Variants in ARHGAP15 observed in about 807,000 individuals in gnomAD.
The protein encoded by ARHGAP15 is rho GTPase-activating protein 15.
Under a neutral mutation model 63.7 loss-of-function variants are expected in ARHGAP15, and 51 were observed. That is an observed-to-expected ratio of 0.80 (90% CI 0.64 to 1.01). ARHGAP15 has a LOEUF of 1.01. ARHGAP15 is among the 50% of genes least tolerant of loss of function. The probability of loss-of-function intolerance (pLI) is 0.00; values close to 1 mark genes in which losing one functional copy is unlikely to be tolerated. For missense variants in ARHGAP15, 560 were observed against 564.6 expected (o/e 0.99, Z 0.08); for synonymous variants, 191 against 193.8 (o/e 0.99, Z 0.12).
chr2:143,534,846 A>C (rs1694681305), intron 10 of ARHGAP15, among the ~76,000 whole-genome samples: 1 of 151,892 alleles, frequency 6.6e-6, no homozygotes, highest in African/African-American at 2.4e-5. Context: ...ATACCACTGC[A>C]CTCTAGCCTG....
intron 6 of ARHGAP15, among the ~76,000 whole-genome samples, chr2:143,286,491 G>A (rs755571761): frequency 2.6e-4 from 39 of 152,114 alleles, no homozygotes; most frequent in Non-Finnish European, 4.6e-4. Flanking sequence ...AGCATAACTC[G>A]AATATGAAAT....
rs766871909 is a variant in ARHGAP15, at chr2:143,250,579, G to A, written c.453G>A (p.Ser151=). Residue 151 remains serine, a synonymous_variant, in exon 6 of 14, where the codon TCG becomes TCA. Coordinates refer to ENST00000295095, the MANE Select transcript of ARHGAP15 (RefSeq NM_018460.4). ...ACATTGAATGGGCCAAGGAAAAATC[G>A]AGCAGAAAGAATGTCTTTCAGGTAA... ...GAHIEWAKEK[S]SRKNVFQITT... is the part of the protein sequence containing the mutation. 1.5e-5 allele frequency: 25 copies of A among 1,612,946 alleles called. No homozygotes were observed. Among genetic ancestry groups the A allele is most frequent in the Admixed American group, 5.0e-5 (3 of 59,962 alleles).
intron 12 of ARHGAP15, among the ~76,000 whole-genome samples, chr2:143,696,364 A>G (rs1574853354): frequency 6.7e-6 from 1 of 149,646 alleles, no homozygotes; most frequent in East Asian, 1.9e-4. Context: ...TTTATATATA[A>G]GATAGATATA....
At chr2:143,674,453 T>C (rs1244015831) in intron 12 of ARHGAP15, among the ~76,000 whole-genome samples, 1 of 152,096 alleles carries the variant, frequency 6.6e-6, no homozygotes. Context: ...ATCAGAACAA[T>C]AGTTGCATAT....
chr2:143,293,719 G>T (rs1030185841), intron 6 of ARHGAP15, among the ~76,000 whole-genome samples: 5 of 151,952 alleles, frequency 3.3e-5, no homozygotes, highest in African/African-American at 9.7e-5. Flanking sequence ...GTTCTGGGAG[G>T]AAGGAAACGG....
intron 6 of ARHGAP15, among the ~76,000 whole-genome samples, chr2:143,263,505 T>C (rs1176794627): frequency 6.6e-6 from 1 of 152,054 alleles, no homozygotes; most frequent in Non-Finnish European, 1.5e-5. Flanking sequence ...TGATGTTGAG[T>C]GTGTGCAGCA....
intron 6 of ARHGAP15, among the ~76,000 whole-genome samples, chr2:143,285,957 T>G (rs1351811046): frequency 6.6e-6 from 1 of 152,190 alleles, no homozygotes; most frequent in African/African-American, 2.4e-5. Context: ...AATGTTGACT[T>G]TAGCAAAAAC....
chr2:143,448,280 T>C (rs1416417940), intron 8 of ARHGAP15, among the ~76,000 whole-genome samples: 1 of 152,126 alleles, frequency 6.6e-6, no homozygotes, highest in Non-Finnish European at 1.5e-5. Context: ...CACGGAATGC[T>C]AAAAAATTAG....
intron 6 of ARHGAP15, among the ~76,000 whole-genome samples, chr2:143,402,469 G>C (rs1431902417): frequency 1.3e-5 from 2 of 149,074 alleles, no homozygotes; most frequent in African/African-American, 4.9e-5. Context: ...ATTAGTGACA[G>C]AGAAAACAAA....
intron 9 of ARHGAP15, among the ~76,000 whole-genome samples, chr2:143,510,018 T>TAAAAAAAAAAAAAAAAAAAAAA (rs35469918): frequency 4.1e-5 from 2 of 48,826 alleles, no homozygotes; most frequent in South Asian, 1.5e-3. Context: ...GACTCCCTCT[T>TAAAAAAAAAAAAAAAAAAAAAA]AAAAAAAAAA....
At chr2:143,577,151 GA>G (rs1696710633) in intron 11 of ARHGAP15, among the ~76,000 whole-genome samples, 2 of 152,010 alleles carry the variant, frequency 1.3e-5, no homozygotes, top group African/African-American at 4.8e-5. Context: ...CTTAGGCCCT[GA>G]AAAAATAGAT....
At chr2:143,455,240 C>T (rs1043894375) in intron 8 of ARHGAP15, among the ~76,000 whole-genome samples, 5 of 151,916 alleles carry the variant, frequency 3.3e-5, no homozygotes, top group South Asian at 2.1e-4. Context: ...GAGCAATTCC[C>T]GGAACTTTTT....
chr2:143,278,182 G>A (rs148923387), intron 6 of ARHGAP15, among the ~76,000 whole-genome samples: 4 of 152,244 alleles, frequency 2.6e-5, no homozygotes, highest in Non-Finnish European at 4.4e-5. Flanking sequence ...CTGTCATCCC[G>A]TGTCACCTTC....
At chr2:143,639,603 A>C (rs1431156109) in intron 12 of ARHGAP15, among the ~76,000 whole-genome samples, 2 of 152,174 alleles carry the variant, frequency 1.3e-5, no homozygotes, top group Non-Finnish European at 2.9e-5. Context: ...AAAGGTAGAA[A>C]GAAGGCACTA....
chr2:143,503,781 T>C (rs1693180417), intron 9 of ARHGAP15, among the ~76,000 whole-genome samples: 1 of 152,242 alleles, frequency 6.6e-6, no homozygotes, highest in East Asian at 1.9e-4. Flanking sequence ...TGAAGAGCTA[T>C]GCTTGCATTT....
intron 8 of ARHGAP15, among the ~76,000 whole-genome samples, chr2:143,442,066 C>CT (rs1689907574): frequency 6.6e-6 from 1 of 152,094 alleles, no homozygotes; most frequent in Admixed American, 6.6e-5. Context: ...ATGCTACGGA[C>CT]TTTTAACTTG....
intron 13 of ARHGAP15, among the ~76,000 whole-genome samples, chr2:143,750,867 A>G (rs1686345526): frequency 6.6e-6 from 1 of 152,242 alleles, no homozygotes. Context: ...ATAAAGTACT[A>G]TACAGATATA....
intron 13 of ARHGAP15, among the ~76,000 whole-genome samples, chr2:143,710,532 G>A (rs951344440): frequency 3.3e-5 from 5 of 152,140 alleles, no homozygotes; most frequent in African/African-American, 7.2e-5. Context: ...TGGGAGATAA[G>A]GTTTTAAGAC....
chr2:143,570,786 A>T (rs555046037), intron 11 of ARHGAP15, among the ~76,000 whole-genome samples: 4 of 152,364 alleles, frequency 2.6e-5, no homozygotes, highest in African/African-American at 7.2e-5. Context: ...AATATTGAAG[A>T]AAAGAGAAGA....
Sources: allele counts gnomAD v4.1 joint callset (sites outside exome capture counted in the v4.1 genomes callset), GRCh38; gene constraint gnomAD v4.1.1; transcripts MANE v1.5; gene names NCBI Gene and HGNC (gene_info 2026-07-23, HGNC 2026-07-21).